The following NCAM1 variants were observed in gnomAD, a reference collection of about 807,000 sequenced individuals.
The protein encoded by NCAM1 is neural cell adhesion molecule 1.
Under a neutral mutation model 109.8 loss-of-function variants are expected in NCAM1, and 14 were observed. The ratio of observed to expected loss-of-function variants is 0.13; its 90% CI spans 0.08 to 0.20. NCAM1 has a LOEUF of 0.20. Among genes scored for constraint, NCAM1 ranks in the 10% least tolerant of loss-of-function variants. The pLI, the probability that NCAM1 is intolerant of heterozygous loss-of-function variation, is 1.00. For synonymous variants in NCAM1, 418 were observed against 442.9 expected (o/e 0.94, Z 0.70); for missense variants, 774 against 1,109.9 (o/e 0.70, Z 4.30).
chr11:113,154,630 C>T (rs917213124), intron 1 of NCAM1, among the ~76,000 whole-genome samples: 2 of 152,106 alleles, frequency 1.3e-5, no homozygotes, highest in Non-Finnish European at 2.9e-5. Context: ...GTGTCTATAG[C>T]TACACACACC....
At chr11:113,131,960 C>A (rs576477964) in intron 1 of NCAM1, among the ~76,000 whole-genome samples, 2 of 152,166 alleles carry the variant, frequency 1.3e-5, no homozygotes, top group Non-Finnish European at 2.9e-5. Flanking sequence ...ACTTGAAGTC[C>A]GTCTGGAGCT....
chr11:113,156,507 G>T (rs969100743), intron 1 of NCAM1, among the ~76,000 whole-genome samples: 1 of 152,176 alleles, frequency 6.6e-6, no homozygotes, highest in Admixed American at 6.5e-5. Context: ...GGAGAGCCAA[G>T]TAGAGAACCC....
Position 113,277,327 on chromosome 11 carries a change from G to A in NCAM1, c.*1940G>A, listed in dbSNP as rs1375613320. ...ATGGTCTTGTCATTTGCTCAATGTG[G>A]GGTTATGTTGCATTTTCTCAGCTCC... is the stretch of plus-strand genomic sequence containing the variant. On this transcript the variant is annotated 3_prime_UTR_variant, in exon 20 of 20. Coordinates refer to ENST00000316851, the MANE Select transcript of NCAM1 (RefSeq NM_181351.5). 1 of 399,008 alleles carries A rather than the reference G, an allele frequency of 2.5e-6. No individual in the cohort carries two copies. The highest frequency in any genetic ancestry group is 4.4e-6 in the Non-Finnish European group (1 of 226,180). The allele number at this position is 399,008 out of a possible 1,614,324, so 24.7% of individuals were successfully genotyped here.
chr11:113,012,499 A>G (rs1257706308), intron 1 of NCAM1, among the ~76,000 whole-genome samples: 1 of 152,192 alleles, frequency 6.6e-6, no homozygotes, highest in Non-Finnish European at 1.5e-5. Context: ...AAAAACAGAA[A>G]TACATTCTCT....
rs376333532 is a variant in NCAM1 at position 113,257,920 on chromosome 11, A to T, written c.1953+1919A>T. Among the ~76,000 whole-genome samples, 20 of 152,344 alleles carry T rather than the reference A, an allele frequency of 1.3e-4. 1 individual carries two copies. In the South Asian group the frequency reaches 2.1e-3, roughly 16 times the overall value. On this transcript the variant is annotated intron_variant, in intron 16 of 19. Coordinates refer to ENST00000316851, the MANE Select transcript of NCAM1 (RefSeq NM_181351.5). Reference sequence around the variant, plus strand: ...AGCCAGACTGGTTAGACTCTAAGGAAACTAGAATTCCCCTTCCAGCACCAC... The same window carrying T: ...AGCCAGACTGGTTAGACTCTAAGGATACTAGAATTCCCCTTCCAGCACCAC...
rs142148224 is a variant in NCAM1, at chr11:113,247,596, A to G, written c.1828+1226A>G. Among the ~76,000 whole-genome samples the G allele has an allele frequency of 8.7e-4, 133 of 152,220 alleles. 1 individual carries two copies. Among genetic ancestry groups the G allele is most frequent in the East Asian group, 6.0e-3 (31 of 5,166 alleles). On this transcript the variant is annotated intron_variant, in intron 15 of 19. Coordinates refer to ENST00000316851, the MANE Select transcript of NCAM1 (RefSeq NM_181351.5). Reference sequence around the variant, plus strand: ...TTATAGGGATGTCAGCTTGGCCCCAATGTAGTCCCATTTACAGCCAGACTC... The same window carrying G: ...TTATAGGGATGTCAGCTTGGCCCCAGTGTAGTCCCATTTACAGCCAGACTC...
chr11:113,031,103 A>T (rs924410765), intron 1 of NCAM1, among the ~76,000 whole-genome samples: 1 of 152,200 alleles, frequency 6.6e-6, no homozygotes, highest in Non-Finnish European at 1.5e-5. Context: ...TCTGGCCACA[A>T]TATTTTTGTC....
rs529027353 is a variant in NCAM1, at chr11:112,971,128, G to A, written c.52+9464G>A. On this transcript the variant is annotated intron_variant, in intron 1 of 19. Coordinates refer to ENST00000316851, the MANE Select transcript of NCAM1 (RefSeq NM_181351.5). ...ATATATTAAGAAAGAAGTAAGAGAG[G>A]AAGGAAAAAGGGGAGGAAGGAGGGA... Among the ~76,000 whole-genome samples, 414 of 151,974 alleles carry A rather than the reference G, an allele frequency of 2.7e-3. 1 individual carries two copies. Among genetic ancestry groups the A allele is most frequent in the African/African-American group, 9.6e-3 (398 of 41,490 alleles).
chr11:112,989,028 A>G (rs1951392071), intron 1 of NCAM1, among the ~76,000 whole-genome samples: 1 of 152,170 alleles, frequency 6.6e-6, no homozygotes, highest in South Asian at 2.1e-4. Flanking sequence ...GATTACAGAC[A>G]TGAACCACTA....
intron 1 of NCAM1, among the ~76,000 whole-genome samples, chr11:113,099,984 C>A (rs1429853194): frequency 2.0e-5 from 3 of 152,188 alleles, no homozygotes; most frequent in African/African-American, 7.2e-5. Context: ...CCGCTCCCAG[C>A]CCCAGGGCTT....
intron 14 of NCAM1, among the ~76,000 whole-genome samples, chr11:113,245,776 C>T (rs560743231): frequency 6.6e-6 from 1 of 152,206 alleles, no homozygotes; most frequent in South Asian, 2.1e-4. Flanking sequence ...AATGACTCTT[C>T]TTAATTTAAT....
intron 10 of NCAM1, 81 bp downstream of exon 10, chr11:113,231,876 C>T (rs1201129250): frequency 8.5e-6 from 13 of 1,536,414 alleles, no homozygotes; most frequent in Non-Finnish European, 1.2e-5. Context: ...TCAGCAAGGA[C>T]CTATGTGCAC....
rs1198056739 is a variant in NCAM1, at chr11:113,036,566, A to G, written c.52+74902A>G. ...TTTATAGATGCCTTCCCTCCGGGTC[A>G]TTGTCTACTCCCAGGTCCCCCATCC... On this transcript the variant is annotated intron_variant, in intron 1 of 19. Transcript: ENST00000316851. Among the ~76,000 whole-genome samples, 4 of 151,568 alleles carry G rather than the reference A, an allele frequency of 2.6e-5. No individual in the cohort carries two copies. In the East Asian group the frequency reaches 7.8e-4, roughly 29 times the overall value.
intron 1 of NCAM1, among the ~76,000 whole-genome samples, chr11:112,976,077 A>G (rs1555067641): frequency 6.6e-6 from 1 of 151,932 alleles, no homozygotes; most frequent in Admixed American, 6.6e-5. Flanking sequence ...GTGCAATATT[A>G]AGAGAATAGC....
intron 15 of NCAM1, among the ~76,000 whole-genome samples, chr11:113,254,497 A>T (rs1945786034): frequency 6.6e-6 from 1 of 152,234 alleles, no homozygotes; most frequent in African/African-American, 2.4e-5. Flanking sequence ...GGTGATCAGC[A>T]TGCTGCTGGC....
At chr11:112,978,917 G>A (rs782179484) in intron 1 of NCAM1, among the ~76,000 whole-genome samples, 2 of 151,746 alleles carry the variant, frequency 1.3e-5, no homozygotes, top group African/African-American at 2.4e-5. Context: ...TTTCATACAG[G>A]TTTCCTAAAA....
intron 1 of NCAM1, among the ~76,000 whole-genome samples, chr11:113,127,275 G>A (rs1052906376): frequency 5.9e-5 from 9 of 152,258 alleles, no homozygotes; most frequent in African/African-American, 1.7e-4. Flanking sequence ...AGACACTGCC[G>A]TAGAATAATA....
At chr11:112,969,605 C>T (rs1950822041) in intron 1 of NCAM1, among the ~76,000 whole-genome samples, 2 of 151,994 alleles carry the variant, frequency 1.3e-5, no homozygotes, top group African/African-American at 2.4e-5. Context: ...AATGACACTT[C>T]CCTTGTGGGT....
intron 1 of NCAM1, among the ~76,000 whole-genome samples, chr11:113,012,027 C>CT (rs1952078341): frequency 7.8e-6 from 1 of 128,168 alleles, no homozygotes; most frequent in African/African-American, 3.0e-5. Context: ...TTTCCTCTTT[C>CT]TTTTTTTTGG....
Sources: gnomAD v4.1 joint callset for allele counts (sites outside exome capture counted in the v4.1 genomes callset) on GRCh38, gnomAD v4.1.1 for gene constraint, MANE v1.5 for transcripts, NCBI Gene and HGNC (gene_info 2026-07-23, HGNC 2026-07-21) for gene names.